DGCR2: variants seen among roughly 807,000 people sequenced by gnomAD.
DGCR2 encodes integral membrane protein DGCR2/IDD.
DGCR2 carries 24 observed loss-of-function variants against 51.6 expected under a neutral mutation model. The observed-to-expected ratio is 0.47, with a 90% CI of 0.34 to 0.65. The LOEUF is 0.65. Ranked by LOEUF, DGCR2 falls within the 30% of genes least tolerant of loss-of-function variation. The pLI is 0.01. For missense variants in DGCR2, 765 were observed against 772.1 expected (o/e 0.99, Z 0.11); for synonymous variants, 340 against 315.4 (o/e 1.08, Z -0.82).
chr22:19,101,197 T>A (rs2083198169), intron 1 of DGCR2, among the ~76,000 whole-genome samples: 1 of 152,102 alleles, frequency 6.6e-6, no homozygotes, highest in African/African-American at 2.4e-5. Flanking sequence ...TATCAAATGC[T>A]CACGATTCCA....
At chr22:19,063,307 T>A in intron 4 of DGCR2, 29 bp from the exon 5 acceptor site, 28 of 1,552,550 alleles carry the variant, frequency 1.8e-5, no homozygotes, top group Non-Finnish European at 2.3e-5. Flanking sequence ...GAGACAGAGA[T>A]CTCAGCGGCA....
intron 2 of DGCR2, among the ~76,000 whole-genome samples, chr22:19,075,969 T>C (rs1569064427): frequency 6.6e-6 from 1 of 152,150 alleles, no homozygotes; most frequent in East Asian, 1.9e-4. Flanking sequence ...ATTCTACTTT[T>C]ATTTTTTGAG....
chr22:19,059,103 G>C (rs1183059557), intron 5 of DGCR2, among the ~76,000 whole-genome samples: 2 of 152,358 alleles, frequency 1.3e-5, no homozygotes, highest in East Asian at 3.9e-4. Context: ...CTGGAGAAGA[G>C]GCTGGGGAGT....
rs753644860 is a variant in DGCR2, at chr22:19,041,260, G to C, written c.1194C>G (p.Gly398=). The change falls in exon 9 of 10, where the codon GGC becomes GGG. Residue 398 remains glycine (G), a synonymous_variant. Coordinates refer to ENST00000263196, the MANE Select transcript of DGCR2 (RefSeq NM_005137.3). The part of the protein sequence containing the change: ...HHFNLGRRIP[G]FDYGPDGFGT... ...CAAACCCGTCTGGGCCGTAATCAAA[G>C]CCAGGGATCCTGCGGCCGAGGTTGA... is the stretch of plus-strand genomic sequence containing the variant. 1 of 1,614,132 alleles carries C rather than the reference G, an allele frequency of 6.2e-7. No homozygotes were observed. The highest frequency in any genetic ancestry group is 8.5e-7 in the Non-Finnish European group (1 of 1,180,012).
chr22:19,051,335 C>T (rs2082546992), intron 6 of DGCR2, among the ~76,000 whole-genome samples: 1 of 152,044 alleles, frequency 6.6e-6, no homozygotes, highest in South Asian at 2.1e-4. Flanking sequence ...GAAAGCTCAC[C>T]TGAAGAGGAT....
intron 1 of DGCR2, among the ~76,000 whole-genome samples, chr22:19,119,687 G>C (rs953263405): frequency 4.4e-5 from 6 of 137,308 alleles, no homozygotes; most frequent in Non-Finnish European, 9.0e-5. Flanking sequence ...AGTGGGCCAA[G>C]ATCACGCTAC....
intron 1 of DGCR2, among the ~76,000 whole-genome samples, chr22:19,091,007 A>G (rs530781706): frequency 1.4e-4 from 3 of 22,150 alleles, no homozygotes; most frequent in Admixed American, 6.4e-4. Flanking sequence ...AGGCATAAAT[A>G]AGAGAAAATA....
At chr22:19,084,733 C>G (rs1234992324) in intron 2 of DGCR2, among the ~76,000 whole-genome samples, 3 of 149,200 alleles carry the variant, frequency 2.0e-5, no homozygotes, top group African/African-American at 4.9e-5. Context: ...AGCCCCCGCC[C>G]GGCCAGCCGC....
rs2082616865 is a variant in DGCR2 at position 19,057,526 on chromosome 22, A to G, written c.626-364T>C. ...AATGGATTGTGGCACACTGGATTAA[A>G]ATGCAAACAGGGGAATGGGCAAGGG... On this transcript the variant is annotated intron_variant, in intron 5 of 9. Transcript: ENST00000263196. This position sits in a 1 kb window ranked among gnomAD's most constrained non-coding sequence, Gnocchi z 5.1. 6.6e-6 allele frequency among the ~76,000 whole-genome samples: 1 copy of G among 152,240 alleles called. No homozygotes were observed. The highest frequency in any genetic ancestry group is 2.1e-4 in the South Asian group (1 of 4,832).
intron 1 of DGCR2, among the ~76,000 whole-genome samples, chr22:19,106,903 C>T (rs1309393679): frequency 6.6e-6 from 1 of 151,964 alleles, no homozygotes; most frequent in Non-Finnish European, 1.5e-5. Flanking sequence ...TTCACCGAGA[C>T]AGCAGTCAGC....
At chr22:19,064,312 G>A (rs796082651) in intron 4 of DGCR2, among the ~76,000 whole-genome samples, 3 of 152,360 alleles carry the variant, frequency 2.0e-5, no homozygotes, top group African/African-American at 7.2e-5. Flanking sequence ...ACAACAACCT[G>A]TGAGCTAAGA....
Position 19,068,132 on chromosome 22 carries a change from G to T in DGCR2, c.296C>A (p.Ala99Glu). The T allele has an allele frequency of 6.2e-7, 1 of 1,607,584 alleles. No homozygotes were observed. The highest frequency in any genetic ancestry group is 8.5e-7 in the Non-Finnish European group (1 of 1,177,984). Residue 99 changes from alanine to glutamate, a missense_variant, in exon 3 of 10, where the codon GCG becomes GAG. Ala to Glu is a moderately radical substitution (Grantham distance 107, BLOSUM62 -1). Transcript: ENST00000263196. Reference sequence around the variant, plus strand: ...GCGAACGGGCTGCGCCACGTTCACCGCGTGGAAGTGCGAAGGGTCGCCTCC... The same window carrying T: ...GCGAACGGGCTGCGCCACGTTCACCTCGTGGAAGTGCGAAGGGTCGCCTCC... Reference protein sequence around the residue: ...ARGGDPSHFHAVNVAQPVRFS... With the variant: ...ARGGDPSHFHEVNVAQPVRFS...
chr22:19,068,284 G>C, intron 2 of DGCR2, 59 bp from the exon 3 acceptor site: 2 of 1,506,528 alleles, frequency 1.3e-6, no homozygotes, highest in Non-Finnish European at 1.8e-6. Context: ...AGTCTCCCTG[G>C]CCAGCATGGT....
At chr22:19,063,422 C>T in intron 4 of DGCR2, 144 bp from the exon 5 acceptor site, 1 of 730,004 alleles carries the variant, frequency 1.4e-6, no homozygotes, top group South Asian at 1.7e-5. Context: ...CTCACTGCAA[C>T]TTGACTTCCT....
chr22:19,083,404 T>C lies in DGCR2; in HGVS notation c.202+5964A>G, dbSNP rs140775909. ...GCAAGTGCTCCCTCCTCATTCCTCT[T>C]CTTCACAACGACCTCTCAATACTAC... On this transcript the variant is annotated intron_variant, in intron 2 of 9. Coordinates refer to ENST00000263196, the MANE Select transcript of DGCR2 (RefSeq NM_005137.3). 5.6e-4 allele frequency among the ~76,000 whole-genome samples: 86 copies of C among 152,328 alleles called. 2 individuals are homozygous for C. The East Asian group carries it at 0.016, about 28-fold the overall frequency.
chr22:19,053,393 G>C (rs899578748), intron 6 of DGCR2, among the ~76,000 whole-genome samples: 1 of 152,194 alleles, frequency 6.6e-6, no homozygotes, highest in African/African-American at 2.4e-5. Flanking sequence ...CAAGTAGAGG[G>C]TGGAGCAGAC....
intron 9 of DGCR2, among the ~76,000 whole-genome samples, chr22:19,039,400 T>C (rs1233367950): frequency 6.6e-6 from 1 of 152,114 alleles, no homozygotes; most frequent in African/African-American, 2.4e-5. Context: ...TGTCCCACCA[T>C]CGGTGTGAGG....
At chr22:19,046,138 T>C (rs1297007911) in intron 7 of DGCR2, 2 of 152,248 alleles carry the variant, frequency 1.3e-5, no homozygotes, top group Non-Finnish European at 2.9e-5. Flanking sequence ...CCTAATGATA[T>C]TGAGACACCT....
At chr22:19,075,402 G>A (rs572752231) in intron 2 of DGCR2, among the ~76,000 whole-genome samples, 6 of 151,712 alleles carry the variant, frequency 4.0e-5, no homozygotes, top group Non-Finnish European at 5.9e-5. Flanking sequence ...AGCCGAGATC[G>A]TGCCACTGCA....
Sources: allele counts gnomAD v4.1 joint callset (sites outside exome capture counted in the v4.1 genomes callset), GRCh38; gene constraint gnomAD v4.1.1; non-coding constraint Gnocchi (gnomAD v3.1); transcripts MANE v1.5; gene names NCBI Gene and HGNC (gene_info 2026-07-23, HGNC 2026-07-21).